Variants in NME2 observed in about 807,000 individuals in gnomAD.
NME2 encodes the protein nucleoside diphosphate kinase B.
Under a neutral mutation model 17.8 loss-of-function variants are expected in NME2, and 18 were observed. The observed-to-expected ratio is 1.01, with a 90% CI of 0.70 to 1.50. NME2 has a LOEUF of 1.50. Ranked by LOEUF, NME2 falls within the 40% of genes most tolerant of loss-of-function variation. The probability of loss-of-function intolerance (pLI) is 0.00; values close to 1 mark genes in which losing one functional copy is unlikely to be tolerated. For synonymous variants in NME2, 74 were observed against 71.4 expected, an observed-to-expected ratio of 1.04 and a Z score of -0.19; for missense variants, 161 against 195.6, an observed-to-expected ratio of 0.82 and a Z score of 1.05.
intron 4 of NME2, 98 bp downstream of exon 4, chr17:51,170,147 T>A: frequency 1.1e-6 from 1 of 939,916 alleles, no homozygotes; most frequent in Non-Finnish European, 1.5e-6. Context: ...GTGCCCTTTT[T>A]TTTTTTTTTT....
rs768924199 is a variant in NME2 at position 51,171,638 on chromosome 17, G to T, written c.*34G>T. 3.9e-6 allele frequency: 6 copies of T among 1,520,826 alleles called. No individual in the cohort carries two copies. In the African/African-American group the frequency reaches 8.2e-5, roughly 21 times the overall value. 94.2% of individuals were successfully genotyped at this position (1,520,826 alleles called of 1,614,324 possible). A position where few individuals can be genotyped will look rare whatever the true frequency, so the allele number is the denominator to read the frequency against. On this transcript the variant is annotated 3_prime_UTR_variant, in exon 5 of 5. Coordinates refer to ENST00000512737, the MANE Select transcript of NME2 (RefSeq NM_002512.4). The stretch of plus-strand genomic sequence containing the variant: ...CACAACAGCAGTCTCCTTCAGCACG[G>T]CGTGGTGTGTCCCTGGACACAGCTC...
At chr17:51,170,298 C>T (rs916775696) in intron 4 of NME2, among the ~76,000 whole-genome samples, 18 of 151,630 alleles carry the variant, frequency 1.2e-4, no homozygotes, top group African/African-American at 4.1e-4. Context: ...CACACTGCCA[C>T]GCCCGGCTAA....
chr17:51,168,196 G>A (rs2049987362), intron 2 of NME2, 46 bp from the exon 3 acceptor site: 9 of 1,602,722 alleles, frequency 5.6e-6, no homozygotes, highest in Non-Finnish European at 7.7e-6. Flanking sequence ...ATGGGTTGGA[G>A]TCTTTCCAGC....
In NME2 at chr17:51,169,012, A is replaced by T. The variant is rs531538202; in HGVS notation, c.228+669A>T. Among the ~76,000 whole-genome samples, 15 of 152,286 alleles carry T rather than the reference A, an allele frequency of 9.8e-5. No homozygotes were observed. In the South Asian group the frequency reaches 1.2e-3, roughly 13 times the overall value. On this transcript the variant is annotated intron_variant, in intron 3 of 4. Transcript: ENST00000512737. Reference sequence around the variant, plus strand: ...TGTTTGACAAGTGTTTTAGACCTTAATGTTTCCTAGATTAAAAAACTTTAT... The same window carrying T: ...TGTTTGACAAGTGTTTTAGACCTTATTGTTTCCTAGATTAAAAAACTTTAT...
In NME2 at chr17:51,166,823, G is replaced by T. The variant is rs370852931; in HGVS notation, c.-4-4G>T. 3 of 1,609,152 alleles carry T rather than the reference G, an allele frequency of 1.9e-6. No homozygotes were observed. The highest frequency in any genetic ancestry group is 1.3e-5 in the African/African-American group (1 of 74,652). ...GGGCCCTGACCGCACCTCTCGCCCC[G>T]CAGGACCATGGCCAACCTGGAGCGC... is the stretch of plus-strand genomic sequence containing the variant. On this transcript the variant is annotated splice_polypyrimidine_tract_variant and splice_region_variant and intron_variant, in intron 1 of 4. Coordinates refer to ENST00000512737, the MANE Select transcript of NME2 (RefSeq NM_002512.4).
At chr17:51,169,207 C>T in intron 3 of NME2, among the ~76,000 whole-genome samples, 1 of 151,910 alleles carries the variant, frequency 6.6e-6, no homozygotes, top group East Asian at 1.9e-4. Flanking sequence ...CTTTGGGAGG[C>T]CGAGGTGGGT....
chr17:51,169,228 G>T (rs2050014922), intron 3 of NME2, among the ~76,000 whole-genome samples: 1 of 151,862 alleles, frequency 6.6e-6, no homozygotes, highest in Admixed American at 6.6e-5. Context: ...GCATTACAAG[G>T]TCAGGAGTTC....
At chr17:51,166,276 T>A (rs1396034904), upstream of NME2, 1 of 152,260 alleles carries the variant, frequency 6.6e-6, no homozygotes, top group Non-Finnish European at 1.5e-5. Context: ...GATCTCTGCC[T>A]GGCGAGGGCG....
chr17:51,167,193 C>G, intron 2 of NME2: 3 of 914,748 alleles, frequency 3.3e-6, no homozygotes, highest in Non-Finnish European at 4.5e-6. Flanking sequence ...GGTTTGGGTT[C>G]CTTCCCGCGG....
intron 2 of NME2, 68 bp downstream of exon 2, chr17:51,167,024 G>T: frequency 6.2e-7 from 1 of 1,608,008 alleles, no homozygotes; most frequent in Non-Finnish European, 8.5e-7. Context: ...CCCGGCGGCG[G>T]TTTGTCCGCG....
At chr17:51,170,341 C>T (rs924150090) in intron 4 of NME2, among the ~76,000 whole-genome samples, 1 of 151,556 alleles carries the variant, frequency 6.6e-6, no homozygotes, top group Non-Finnish European at 1.5e-5. Context: ...GGTTTCACCA[C>T]GTTGGCCAGG....
intron 2 of NME2, among the ~76,000 whole-genome samples, chr17:51,167,815 CAAAT>C (rs570408675): frequency 5.7e-4 from 86 of 151,992 alleles, no homozygotes; most frequent in South Asian, 2.1e-4. Flanking sequence ...CCTGTCTCTA[CAAAT>C]AAATAAATAA....
rs776436809 is a variant in NME2 at position 51,168,255 on chromosome 17, A to T, written c.140A>T (p.His47Leu). 6.2e-7 allele frequency: 1 copy of T among 1,613,836 alleles called. No homozygotes were observed. Among genetic ancestry groups the T allele is most frequent in the Non-Finnish European group, 8.5e-7 (1 of 1,179,832 alleles). Residue 47 changes from histidine to leucine, a missense_variant, in exon 3 of 5, where the codon CAC becomes CTC. Coordinates refer to ENST00000512737, the MANE Select transcript of NME2 (RefSeq NM_002512.4). ...CTCCAATGCCAGGCCTCTGAAGAACACCTGAAGCAGCACTACATTGACCTG... is the reference window on the plus strand; with the variant it reads ...CTCCAATGCCAGGCCTCTGAAGAACTCCTGAAGCAGCACTACATTGACCTG... ...AMKFLRASEE[H>L]LKQHYIDLKD...
chr17:51,168,281 A>G lies in NME2; in HGVS notation c.166A>G (p.Lys56Glu), dbSNP rs1568126616. ...CCTGAAGCAGCACTACATTGACCTG[A>G]AAGACCGACCATTCTTCCCTGGGCT... ...EHLKQHYIDL[K>E]DRPFFPGLVK... Residue 56 changes from lysine to glutamate, a missense_variant, in exon 3 of 5, where the codon AAA (lysine) becomes GAA (glutamate). Coordinates refer to ENST00000512737, the MANE Select transcript of NME2 (RefSeq NM_002512.4). The G allele has an allele frequency of 6.2e-7, 1 of 1,613,866 alleles. No homozygotes were observed. The highest frequency in any genetic ancestry group is 8.5e-7 in the Non-Finnish European group (1 of 1,179,942).
chr17:51,169,704 A>G, intron 3 of NME2: 1 of 450,602 alleles, frequency 2.2e-6, no homozygotes, highest in South Asian at 2.7e-5. Flanking sequence ...AACATTGTTT[A>G]TCTCTGTCTC....
chr17:51,166,689 G>T, intron 1 of NME2, 138 bp from the exon 2 acceptor site: 1 of 885,552 alleles, frequency 1.1e-6, no homozygotes, highest in Non-Finnish European at 1.5e-6. Flanking sequence ...GGCCCTGCGC[G>T]GGGCGGAAGC....
chr17:51,169,897 G>A (rs2050030729), intron 3 of NME2, 40 bp from the exon 4 acceptor site: 2 of 1,584,924 alleles, frequency 1.3e-6, no homozygotes, highest in Non-Finnish European at 1.7e-6. Context: ...CCTGTCCTGA[G>A]TGGCAGGTCT....
rs769506819 is a variant in NME2 at position 51,169,928 on chromosome 17, A to C, written c.229-9A>C. On this transcript the variant is annotated splice_polypyrimidine_tract_variant and intron_variant, in intron 3 of 4. Transcript: ENST00000512737. ...GGTCTGATTATAAATCCATTTTCAC[A>C]CTTTCGAGGTCTGGGAGGGGCTGAA... The C allele has an allele frequency of 1.4e-5, 22 of 1,613,196 alleles. No homozygotes were observed. The East Asian group carries it at 4.2e-4, about 31-fold the overall frequency.
In NME2 at chr17:51,166,807, C is replaced by T; in HGVS notation, c.-4-20C>T. ...GCCAGAGCCTGCGCCCGGGCCCTGA[C>T]CGCACCTCTCGCCCCGCAGGACCAT... On this transcript the variant is annotated intron_variant, in intron 1 of 4. Coordinates refer to ENST00000512737, the MANE Select transcript of NME2 (RefSeq NM_002512.4). The T allele has an allele frequency of 6.3e-7, 1 of 1,599,644 alleles. No homozygotes were observed. Among genetic ancestry groups the T allele is most frequent in the Non-Finnish European group, 8.5e-7 (1 of 1,173,900 alleles).
Sources: gnomAD v4.1 joint callset for allele counts (sites outside exome capture counted in the v4.1 genomes callset) on GRCh38, gnomAD v4.1.1 for gene constraint, MANE v1.5 for transcripts, NCBI Gene and HGNC (gene_info 2026-07-23, HGNC 2026-07-21) for gene names.